NDFIP2: variants seen among roughly 807,000 people sequenced by gnomAD.
The protein encoded by NDFIP2 is Nedd4 family interacting protein 2.
In NDFIP2, 19 loss-of-function variants were observed where a neutral mutation model predicts 36.0. The ratio of observed to expected loss-of-function variants is 0.53; its 90% confidence interval spans 0.37 to 0.77. The LOEUF is 0.77. Among genes scored for constraint, NDFIP2 ranks in the 30% least tolerant of loss-of-function variants. The pLI, the probability that NDFIP2 is intolerant of heterozygous loss-of-function variation, is 0.00. For missense variants in NDFIP2, 446 were observed against 435.8 expected, an observed-to-expected ratio of 1.02 and a Z score of -0.21; for synonymous variants, 181 against 167.7, an observed-to-expected ratio of 1.08 and a Z score of -0.61.
intron 1 of NDFIP2, among the ~76,000 whole-genome samples, chr13:79,484,033 T>G (rs572524667): frequency 7.8e-4 from 119 of 152,150 alleles, no homozygotes; most frequent in African/African-American, 2.8e-3. Context: ...TTATTTTTAT[T>G]TTTTGAGATG....
At chr13:79,495,876 C>T (rs2140738770) in intron 1 of NDFIP2, among the ~76,000 whole-genome samples, 1 of 151,822 alleles carries the variant, frequency 6.6e-6, no homozygotes, top group African/African-American at 2.4e-5. Flanking sequence ...TCTTAGATTA[C>T]AAGAAAGTGT....
intron 1 of NDFIP2, among the ~76,000 whole-genome samples, chr13:79,503,466 T>C (rs186329711): frequency 3.7e-4 from 57 of 152,114 alleles, no homozygotes; most frequent in African/African-American, 1.3e-3. Context: ...GAAGGTAAAA[T>C]CAGGTAGCAG....
At chr13:79,513,274 G>A (rs1290259941) in intron 1 of NDFIP2, among the ~76,000 whole-genome samples, 1 of 152,164 alleles carries the variant, frequency 6.6e-6, no homozygotes, top group Non-Finnish European at 1.5e-5. Flanking sequence ...ATTTTAGGGA[G>A]ACAGTCACAT....
chr13:79,491,847 G>A (rs998079021), intron 1 of NDFIP2, among the ~76,000 whole-genome samples: 3 of 152,148 alleles, frequency 2.0e-5, no homozygotes, highest in African/African-American at 7.2e-5. Flanking sequence ...TCTTTCAGAT[G>A]TTTGATCACT....
chr13:79,534,623 T>C (rs77028505), intron 3 of NDFIP2, among the ~76,000 whole-genome samples: 90 of 152,254 alleles, frequency 5.9e-4, no homozygotes, highest in Middle Eastern at 3.4e-3. Flanking sequence ...GCCTTTTTTT[T>C]CTTGCTTCAG....
chr13:79,504,603 C>T (rs1281414792), intron 1 of NDFIP2, among the ~76,000 whole-genome samples: 1 of 150,662 alleles, frequency 6.6e-6, no homozygotes, highest in Admixed American at 6.6e-5. Flanking sequence ...ACTCAGTTAT[C>T]AAGTCTCTTT....
chr13:79,487,043 C>CATCACT (rs1480898171), intron 1 of NDFIP2, among the ~76,000 whole-genome samples: 6 of 152,144 alleles, frequency 3.9e-5, no homozygotes, highest in Non-Finnish European at 7.4e-5. Flanking sequence ...GCTCTAACTT[C>CATCACT]AAATAACATC....
At chr13:79,519,177 T>C (rs1477121800) in intron 1 of NDFIP2, 6 of 152,208 alleles carry the variant, frequency 3.9e-5, no homozygotes, top group Non-Finnish European at 7.3e-5. Flanking sequence ...TTGGTATGTA[T>C]ACTAGCTTTG....
intron 5 of NDFIP2, among the ~76,000 whole-genome samples, chr13:79,546,904 A>G (rs550958477): frequency 2.0e-5 from 3 of 152,156 alleles, no homozygotes; most frequent in African/African-American, 7.2e-5. Context: ...AAAAAATAGT[A>G]TAGTACCATC....
At chr13:79,484,811 ATTG>A (rs1872898473) in intron 1 of NDFIP2, among the ~76,000 whole-genome samples, 2 of 152,276 alleles carry the variant, frequency 1.3e-5, no homozygotes, top group Admixed American at 1.3e-4. Flanking sequence ...TATATATTAG[ATTG>A]TGCTGTTTGC....
At chr13:79,538,552 G>A (rs116048762) in intron 3 of NDFIP2, among the ~76,000 whole-genome samples, 173 of 152,258 alleles carry the variant, frequency 1.1e-3, no homozygotes, top group African/African-American at 4.0e-3. Flanking sequence ...ATGGAAGACC[G>A]AAACCAAGCC....
chr13:79,537,500 T>A (rs1875288897), intron 3 of NDFIP2, among the ~76,000 whole-genome samples: 2 of 152,196 alleles, frequency 1.3e-5, no homozygotes, highest in African/African-American at 4.8e-5. Flanking sequence ...AATGTTTATT[T>A]CTTGAATTAA....
intron 7 of NDFIP2, among the ~76,000 whole-genome samples, chr13:79,551,525 CAT>C (rs1447941710): frequency 6.6e-6 from 1 of 151,406 alleles, no homozygotes; most frequent in Non-Finnish European, 1.5e-5. Flanking sequence ...ATGAAATTCA[CAT>C]AGACATCTGG....
chr13:79,543,299 A>G (rs550616031), intron 4 of NDFIP2, among the ~76,000 whole-genome samples: 17 of 152,236 alleles, frequency 1.1e-4, no homozygotes, highest in African/African-American at 4.1e-4. Flanking sequence ...TGCAGTTACA[A>G]CCATTAATGA....
At chr13:79,550,101 T>G (rs984262570) in intron 6 of NDFIP2, among the ~76,000 whole-genome samples, 1 of 151,824 alleles carries the variant, frequency 6.6e-6, no homozygotes, top group Non-Finnish European at 1.5e-5. Context: ...ATCTTCTGTT[T>G]TTGTTTTTGG....
At chr13:79,516,053 A>C (rs1874309777) in intron 1 of NDFIP2, among the ~76,000 whole-genome samples, 1 of 152,042 alleles carries the variant, frequency 6.6e-6, no homozygotes, top group African/African-American at 2.4e-5. Context: ...TAATTTTACA[A>C]AATTGGAACA....
chr13:79,494,639 C>T (rs1338938580), intron 1 of NDFIP2, among the ~76,000 whole-genome samples: 1 of 151,956 alleles, frequency 6.6e-6, no homozygotes. Flanking sequence ...AGCTATCATA[C>T]TGAGACTTTT....
At chr13:79,495,629 G>T (rs1259795727) in intron 1 of NDFIP2, among the ~76,000 whole-genome samples, 1 of 151,626 alleles carries the variant, frequency 6.6e-6, no homozygotes, top group Non-Finnish European at 1.5e-5. Context: ...GTCTTTTGTT[G>T]GTACCTTATA....
intron 3 of NDFIP2, among the ~76,000 whole-genome samples, chr13:79,534,517 T>A (rs1165555163): frequency 6.6e-6 from 1 of 152,052 alleles, no homozygotes; most frequent in Non-Finnish European, 1.5e-5. Flanking sequence ...TAATGGAGAG[T>A]CAGTGAGATA....
Sources: allele counts gnomAD v4.1 joint callset (sites outside exome capture counted in the v4.1 genomes callset), GRCh38; gene constraint gnomAD v4.1.1; transcripts MANE v1.5; gene names NCBI Gene and HGNC (gene_info 2026-07-23, HGNC 2026-07-21).